SCN9A: variants seen among roughly 807,000 people sequenced by gnomAD.
SCN9A encodes sodium channel protein type 9 subunit alpha.
In SCN9A, 131 loss-of-function variants were observed where a neutral mutation model predicts 187.0. That is an observed-to-expected ratio of 0.70 (90% CI 0.61 to 0.81). The LOEUF (loss-of-function observed/expected upper bound fraction) is 0.81, where lower values mean the gene tolerates loss of function less well. Among genes scored for constraint, SCN9A ranks in the 30% least tolerant of loss-of-function variants. SCN9A has a pLI of 0.00. For missense variants in SCN9A, 2,252 were observed against 2,396.6 expected, an observed-to-expected ratio of 0.94 and a Z score of 1.26; for synonymous variants, 809 against 808.6, an observed-to-expected ratio of 1.00 and a Z score of -0.01.
chr2:166,317,380 T>C (rs1699134770), intron 1 of SCN9A, among the ~76,000 whole-genome samples: 1 of 152,146 alleles, frequency 6.6e-6, no homozygotes, highest in Non-Finnish European at 1.5e-5. Context: ...GTATCTTCTT[T>C]AGAATGAAAT....
rs1036266946 is a variant in SCN9A at position 166,214,442 on chromosome 2, A to G, written c.4399-9978T>C. 5.3e-5 allele frequency among the ~76,000 whole-genome samples: 8 copies of G among 152,048 alleles called. No individual in the cohort carries two copies. The East Asian group carries it at 1.5e-3, about 29-fold the overall frequency. Reference sequence around the variant, plus strand: ...CTTCTTCAGCCTAAACAAGAGGAATAACATTCCCCACGCCTTCTTCCCTGG... The same window carrying G: ...CTTCTTCAGCCTAAACAAGAGGAATGACATTCCCCACGCCTTCTTCCCTGG... On this transcript the variant is annotated intron_variant, in intron 24 of 26. Coordinates refer to ENST00000642356, the MANE Select transcript of SCN9A (RefSeq NM_001365536.1).
Position 166,278,198 on chromosome 2 carries a change from AAACTT to A in SCN9A, c.2454_2458del (p.Leu818PhefsTer38), listed in dbSNP as rs766212849. The A allele has an allele frequency of 6.2e-7, 1 of 1,613,244 alleles. No homozygotes were observed. The highest frequency in any genetic ancestry group is 1.7e-5 in the Admixed American group (1 of 59,964). ...CACATCTGCTAGAAAGAGCTCCACT[AAACTT>A]AAAGTCACAATAAGGCTGTCAAAAA... is the stretch of plus-strand genomic sequence containing the variant. On this transcript the variant is annotated frameshift_variant, in exon 15 of 27. Coordinates refer to ENST00000642356, the MANE Select transcript of SCN9A (RefSeq NM_001365536.1). LOFTEE classifies it high-confidence loss of function.
intron 1 of SCN9A, among the ~76,000 whole-genome samples, chr2:166,346,051 G>C (rs1699893268): frequency 6.6e-6 from 1 of 152,108 alleles, no homozygotes; most frequent in South Asian, 2.1e-4. Flanking sequence ...ATATGAATAA[G>C]GAATGTCTCA....
rs150334866 is a variant in SCN9A at position 166,247,972 on chromosome 2, C to T, written c.3472+3793G>A. On this transcript the variant is annotated intron_variant, in intron 18 of 26. Transcript: ENST00000642356. Reference sequence around the variant, plus strand: ...CAAATACAAAGTAATAGACACAGAGCTAAGGAACAACCTTGCATAAGAGGG... The same window carrying T: ...CAAATACAAAGTAATAGACACAGAGTTAAGGAACAACCTTGCATAAGAGGG... 2.2e-3 allele frequency among the ~76,000 whole-genome samples: 329 copies of T among 151,918 alleles called. 2 individuals are homozygous for T. Among genetic ancestry groups the T allele is most frequent in the African/African-American group, 7.6e-3 (317 of 41,450 alleles).
chr2:166,201,423 ATATACTATATATAGTATAGAGTATGCG>A (rs1558942469), intron 26 of SCN9A, among the ~76,000 whole-genome samples: 1 of 146,426 alleles, frequency 6.8e-6, no homozygotes, highest in Non-Finnish European at 1.5e-5. Flanking sequence ...TATAGTATGC[ATATACTATATATAGTATAGAGTATGCG>A]TATACTATAT....
rs776886490 is a variant in SCN9A at position 166,294,624 on chromosome 2, G to C, written c.940C>G (p.Leu314Val). Residue 314 changes from leucine (L) to valine (V), a missense_variant, in exon 8 of 27, where the codon CTT becomes GTT. Around this residue, in one of 7 missense-constraint regions of SCN9A, gnomAD observed 1,013 missense variants for 997.4 expected, o/e 1.02. Transcript: ENST00000642356. ...YYLEGSKDAL[L>V]CGFSTDSGQC... is the part of the protein sequence containing the mutation. ...CCTGAATCTGTGCTGAAACCACAAAGGAGAGCATCTTTGGATCCTTCCAAG... is the reference window on the plus strand; with the variant it reads ...CCTGAATCTGTGCTGAAACCACAAACGAGAGCATCTTTGGATCCTTCCAAG... The C allele has an allele frequency of 6.2e-7, 1 of 1,610,588 alleles. No individual in the cohort carries two copies. The highest frequency in any genetic ancestry group is 1.7e-5 in the Admixed American group (1 of 59,852).
chr2:166,334,230 G>A (rs1439079014), intron 1 of SCN9A, among the ~76,000 whole-genome samples: 1 of 152,002 alleles, frequency 6.6e-6, no homozygotes, highest in East Asian at 1.9e-4. Context: ...AATAACGAAT[G>A]CCAACAAAAT....
At chr2:166,206,776 T>C (rs185845051) in intron 24 of SCN9A, among the ~76,000 whole-genome samples, 40 of 152,262 alleles carry the variant, frequency 2.6e-4, no homozygotes, top group Non-Finnish European at 4.9e-4. Context: ...AAAATGATAA[T>C]ATACATTTCT....
At chr2:166,368,920 G>T (rs1045537625) in intron 1 of SCN9A, among the ~76,000 whole-genome samples, 3 of 151,070 alleles carry the variant, frequency 2.0e-5, no homozygotes, top group Admixed American at 1.3e-4. Context: ...CTGGGAGGCG[G>T]AAGTTGCAGT....
intron 1 of SCN9A, among the ~76,000 whole-genome samples, chr2:166,333,066 G>A (rs1438964174): frequency 6.6e-6 from 1 of 151,514 alleles, no homozygotes; most frequent in Non-Finnish European, 1.5e-5. Context: ...AATAATAATT[G>A]TAAGAATGCT....
intron 17 of SCN9A, among the ~76,000 whole-genome samples, chr2:166,270,487 T>C (rs940099400): frequency 6.6e-6 from 1 of 151,970 alleles, no homozygotes; most frequent in African/African-American, 2.4e-5. Context: ...CTTTACCGTC[T>C]TGGAAAAAAT....
chr2:166,299,482 A>G (rs965013575), intron 7 of SCN9A, among the ~76,000 whole-genome samples: 3 of 150,772 alleles, frequency 2.0e-5, no homozygotes, highest in African/African-American at 7.5e-5. Context: ...ATCTGTTTCT[A>G]CAATATGTTT....
intron 1 of SCN9A, among the ~76,000 whole-genome samples, chr2:166,328,645 T>G (rs570419018): frequency 1.3e-5 from 2 of 152,096 alleles, no homozygotes; most frequent in East Asian, 3.9e-4. Flanking sequence ...AAGGAAAAGA[T>G]CTTAGACAAA....
At chr2:166,222,963 A>AAAAAAAAAAAAC (rs1694681344) in intron 24 of SCN9A, among the ~76,000 whole-genome samples, 1 of 147,896 alleles carries the variant, frequency 6.8e-6, no homozygotes, top group African/African-American at 2.5e-5. Context: ...AAAAAAAAAA[A>AAAAAAAAAAAAC]AAAAAAAAAC....
chr2:166,251,896 A>G lies in SCN9A; in HGVS notation c.3352-11T>C, dbSNP rs1239503425. 2 of 1,611,730 alleles carry G rather than the reference A, an allele frequency of 1.2e-6. No homozygotes were observed. The highest frequency in any genetic ancestry group is 1.7e-6 in the Non-Finnish European group (2 of 1,178,710). ...TGACCGGTTTAATCTCTAGAAAGGA[A>G]TTCACCACCCCACCAGGTAGTTCAT... On this transcript the variant is annotated splice_polypyrimidine_tract_variant and intron_variant, in intron 17 of 26. Coordinates refer to ENST00000642356, the MANE Select transcript of SCN9A (RefSeq NM_001365536.1).
chr2:166,222,963 A>C (rs1396543079), intron 24 of SCN9A, among the ~76,000 whole-genome samples: 10 of 147,972 alleles, frequency 6.8e-5, no homozygotes, highest in East Asian at 2.0e-4. Flanking sequence ...AAAAAAAAAA[A>C]AAAAAAAAAC....
intron 1 of SCN9A, among the ~76,000 whole-genome samples, chr2:166,344,880 CT>C (rs757927255): frequency 1.3e-5 from 2 of 152,138 alleles, no homozygotes; most frequent in African/African-American, 4.8e-5. Flanking sequence ...TCCTCTGCCC[CT>C]GATGTGAAGC....
chr2:166,321,507 A>G (rs1274045745), intron 1 of SCN9A: 1 of 131,556 alleles, frequency 7.6e-6, no homozygotes, highest in East Asian at 2.1e-4. Context: ...TGGATGACAG[A>G]CAGAGACCCT....
intron 26 of SCN9A, among the ~76,000 whole-genome samples, chr2:166,200,674 C>T (rs947763476): frequency 4.6e-5 from 7 of 152,238 alleles, no homozygotes; most frequent in Admixed American, 2.0e-4. Context: ...CTTGCTCTGT[C>T]GCCAAAGCTG....
Sources: gnomAD v4.1 joint callset for allele counts (sites outside exome capture counted in the v4.1 genomes callset) on GRCh38, gnomAD v4.1.1 for gene constraint, gnomAD v4.1.1 regional missense constraint, MANE v1.5 for transcripts, NCBI Gene and HGNC (gene_info 2026-07-23, HGNC 2026-07-21) for gene names.